HSD17B7: variants seen among roughly 807,000 people sequenced by gnomAD.
HSD17B7 encodes 3-keto-steroid reductase/17-beta-hydroxysteroid dehydrogenase 7.
A neutral mutation model predicts 34.1 loss-of-function variants in HSD17B7; 17 were observed. The observed-to-expected ratio is 0.50, with a 90% CI of 0.34 to 0.75. HSD17B7 has a LOEUF of 0.75. HSD17B7 is among the 30% of genes least tolerant of loss of function. The pLI is 0.01. For synonymous variants in HSD17B7, 122 were observed against 154.6 expected, an observed-to-expected ratio of 0.79 and a Z score of 1.56; for missense variants, 296 against 406.6, an observed-to-expected ratio of 0.73 and a Z score of 2.34.
At chr1:162,795,676 G>C (rs1322789187) in intron 2 of HSD17B7, 4 of 446,300 alleles carry the variant, frequency 9.0e-6, no homozygotes, top group Non-Finnish European at 1.8e-5. Context: ...ATGTATTTCA[G>C]GGTCCTAAGT....
At chr1:162,796,395 G>A (rs960165978) in intron 2 of HSD17B7, among the ~76,000 whole-genome samples, 190 bp from the exon 3 acceptor site, 1 of 152,162 alleles carries the variant, frequency 6.6e-6, no homozygotes, top group African/African-American at 2.4e-5. Context: ...AAACTGTTGA[G>A]AAAGAAATGC....
At chr1:162,795,109 A>G (rs1648557363) in intron 2 of HSD17B7, among the ~76,000 whole-genome samples, 1 of 152,194 alleles carries the variant, frequency 6.6e-6, no homozygotes, top group African/African-American at 2.4e-5. Context: ...CAAGTTTGGA[A>G]TATATGAAAG....
At chr1:162,796,835 G>A (rs1381139647) in intron 3 of HSD17B7, among the ~76,000 whole-genome samples, 158 bp downstream of exon 3, 1 of 152,144 alleles carries the variant, frequency 6.6e-6, no homozygotes, top group African/African-American at 2.4e-5. Context: ...TGAAAGAAAA[G>A]CAATCCTCTT....
At chr1:162,793,759 G>C (rs6670180) in intron 2 of HSD17B7, among the ~76,000 whole-genome samples, 7,257 of 152,294 alleles carry the variant, frequency 0.048, 212 homozygotes, top group Middle Eastern at 0.065. Context: ...GGCAAGTAGT[G>C]AGTGACATTT....
In HSD17B7 at chr1:162,796,385, A is replaced by T. The variant is rs1428832101; in HGVS notation, c.240-200A>T. Among the ~76,000 whole-genome samples, 5 of 152,238 alleles carry T rather than the reference A, an allele frequency of 3.3e-5. No homozygotes were observed. The East Asian group carries it at 9.6e-4, about 29-fold the overall frequency. Reference sequence around the variant, plus strand: ...TCAAATGTTTACTGTAGCTAAAGAAAAACTGTTGAGAAAGAAATGCTGTAA... The same window carrying T: ...TCAAATGTTTACTGTAGCTAAAGAATAACTGTTGAGAAAGAAATGCTGTAA... On this transcript the variant is annotated intron_variant, in intron 2 of 8. Coordinates refer to ENST00000254521, the MANE Select transcript of HSD17B7 (RefSeq NM_016371.4).
At chr1:162,799,412 A>G (rs1478880442) in intron 4 of HSD17B7, 1 of 193,332 alleles carries the variant, frequency 5.2e-6, no homozygotes, top group Non-Finnish European at 1.1e-5. Context: ...GTTCAGTCCT[A>G]GAATCAGCTA....
In HSD17B7 at chr1:162,812,463, C is replaced by G. The variant is rs1470617407; in HGVS notation, c.*43C>G. ...GCCAAGGCAGAAGGATCACTTGAGACCAGGAGTTCAAGACCAGCCTGAGAA... is the reference window on the plus strand; with the variant it reads ...GCCAAGGCAGAAGGATCACTTGAGAGCAGGAGTTCAAGACCAGCCTGAGAA... On this transcript the variant is annotated 3_prime_UTR_variant, in exon 9 of 9. Transcript: ENST00000254521. The G allele has an allele frequency of 6.5e-7, 1 of 1,544,946 alleles. No individual in the cohort carries two copies. The highest frequency in any genetic ancestry group is 8.8e-7 in the Non-Finnish European group (1 of 1,136,710).
intron 2 of HSD17B7, among the ~76,000 whole-genome samples, 174 bp from the exon 3 acceptor site, chr1:162,796,411 C>T (rs1022943197): frequency 2.6e-5 from 4 of 152,172 alleles, no homozygotes; most frequent in Admixed American, 2.0e-4. Flanking sequence ...AATGCTGTAA[C>T]TCTAATGTGC....
Position 162,803,436 on chromosome 1 carries a change from C to T in HSD17B7, c.648C>T (p.Leu216=), listed in dbSNP as rs762735136. ...CTACACCTCTCTGTTCCTAGGGTCT[C>T]TATTCCAATGTGGCCTGTCCAGGTA... ...ALNRNFNQQG[L]YSNVACPGTA... The change falls in exon 6 of 9, where the codon CTC becomes CTT. Residue 216 remains leucine, a synonymous_variant. Transcript: ENST00000254521. The T allele has an allele frequency of 1.3e-4, 214 of 1,612,468 alleles. No homozygotes were observed. Among genetic ancestry groups the T allele is most frequent in the Non-Finnish European group, 1.8e-4 (208 of 1,178,970 alleles).
chr1:162,805,226 A>G (rs893409162), intron 7 of HSD17B7, among the ~76,000 whole-genome samples, 168 bp from the exon 8 acceptor site: 1 of 152,258 alleles, frequency 6.6e-6, no homozygotes, highest in Non-Finnish European at 1.5e-5. Context: ...CTTTTAAACT[A>G]TATTTTAATT....
chr1:162,811,215 T>G (rs1384077019), intron 8 of HSD17B7, among the ~76,000 whole-genome samples: 2 of 152,184 alleles, frequency 1.3e-5, no homozygotes, highest in African/African-American at 2.4e-5. Flanking sequence ...TGAAGCTAAG[T>G]TTGGCTGGAT....
At chr1:162,806,246 G>A (rs1648978007) in intron 8 of HSD17B7, among the ~76,000 whole-genome samples, 1 of 152,124 alleles carries the variant, frequency 6.6e-6, no homozygotes, top group Admixed American at 6.6e-5. Context: ...TTGTGAGGAG[G>A]CATTAGCATA....
At chr1:162,811,218 G>A (rs1649160190) in intron 8 of HSD17B7, among the ~76,000 whole-genome samples, 1 of 152,100 alleles carries the variant, frequency 6.6e-6, no homozygotes, top group Admixed American at 6.5e-5. Context: ...AGCTAAGTTT[G>A]GCTGGATATG....
intron 8 of HSD17B7, among the ~76,000 whole-genome samples, chr1:162,810,968 T>C (rs2805055): frequency 0.11 from 17,422 of 151,964 alleles, 1,488 homozygotes; most frequent in African/African-American, 0.25. Context: ...AATATTGTTA[T>C]GTGTGAATTT....
rs758636818 is a variant in HSD17B7, at chr1:162,812,348, A to C, written c.954A>C (p.Glu318Asp). 3.7e-6 allele frequency: 6 copies of C among 1,612,444 alleles called. No individual in the cohort carries two copies. Among genetic ancestry groups the C allele is most frequent in the Non-Finnish European group, 5.1e-6 (6 of 1,179,232 alleles). Reference protein sequence around the residue: ...TAEKFYQKLLELEKHIRVTIQ... With the variant: ...TAEKFYQKLLDLEKHIRVTIQ... ...AAAAATTTTATCAAAAGTTACTGGAACTGGAAAAGCACATTAGGGTCACTA... is the reference window on the plus strand; with the variant it reads ...AAAAATTTTATCAAAAGTTACTGGACCTGGAAAAGCACATTAGGGTCACTA... The change falls in exon 9 of 9, where the codon GAA becomes GAC. Residue 318 changes from glutamate to aspartate, a missense_variant. By Grantham distance (45) the Glu-to-Asp change is conservative. Coordinates refer to ENST00000254521, the MANE Select transcript of HSD17B7 (RefSeq NM_016371.4).
intron 7 of HSD17B7, 74 bp from the exon 8 acceptor site, chr1:162,805,320 A>C: frequency 6.4e-7 from 1 of 1,565,930 alleles, no homozygotes; most frequent in South Asian, 1.2e-5. Flanking sequence ...TATAAAGTGC[A>C]GATTGTGAAT....
intron 8 of HSD17B7, 26 bp downstream of exon 8, chr1:162,805,518 G>T (rs1205345975): frequency 6.2e-7 from 1 of 1,607,734 alleles, no homozygotes. Context: ...TTGTTGCACT[G>T]ATGTTTGCTG....
intron 6 of HSD17B7, 99 bp downstream of exon 6, chr1:162,803,634 C>T (rs2102235111): frequency 7.3e-7 from 1 of 1,374,114 alleles, no homozygotes; most frequent in Non-Finnish European, 1.0e-6. Context: ...AGGAATTGAA[C>T]CTGAATGCCA....
In HSD17B7 at chr1:162,804,128, T is replaced by A. The variant is rs1402956875; in HGVS notation, c.748-139T>A. The A allele has an allele frequency of 6.9e-6, 4 of 580,916 alleles. No individual in the cohort carries two copies. The African/African-American group carries it at 7.6e-5, about 11-fold the overall frequency. The allele number at this position is 580,916 out of a possible 1,614,324, so 36.0% of individuals were successfully genotyped here. On this transcript the variant is annotated intron_variant, in intron 6 of 8. Coordinates refer to ENST00000254521, the MANE Select transcript of HSD17B7 (RefSeq NM_016371.4). ...AATGGAGATTAAATGATGTTTCTTT[T>A]TTGACTTCTTTATTTTTTGTTACTT...
Sources: gnomAD v4.1 joint callset for allele counts (sites outside exome capture counted in the v4.1 genomes callset) on GRCh38, gnomAD v4.1.1 for gene constraint, MANE v1.5 for transcripts, NCBI Gene and HGNC (gene_info 2026-07-23, HGNC 2026-07-21) for gene names.